Variants in STPG2 observed in about 807,000 individuals in gnomAD.
The protein encoded by STPG2 is sperm-tail PG-rich repeat-containing protein 2.
A neutral mutation model predicts 54.2 loss-of-function variants in STPG2; 56 were observed. That is an observed-to-expected ratio of 1.03 (90% confidence interval 0.83 to 1.29). The LOEUF (loss-of-function observed/expected upper bound fraction) is 1.29. Ranked by LOEUF, STPG2 falls within the 50% of genes most tolerant of loss-of-function variation. The pLI, the probability that STPG2 is intolerant of heterozygous loss-of-function variation, is 0.00. For missense variants in STPG2, 596 were observed against 544.9 expected, an observed-to-expected ratio of 1.09 and a Z score of -0.93; for synonymous variants, 200 against 181.8, an observed-to-expected ratio of 1.10 and a Z score of -0.81.
chr4:98,022,624 G>C lies in STPG2; in HGVS notation c.613-41306C>G, dbSNP rs377737071. ...ATCCTGCAGAGTGTTTTCCAACTTG[G>C]TTCCATTTTCCCCATCACTTTCAGG... is the stretch of plus-strand genomic sequence containing the variant. On this transcript the variant is annotated intron_variant, in intron 5 of 10. Coordinates refer to ENST00000295268, the MANE Select transcript of STPG2 (RefSeq NM_174952.3). 4.6e-5 allele frequency among the ~76,000 whole-genome samples: 7 copies of C among 152,094 alleles called. No homozygotes were observed. The East Asian group carries it at 1.4e-3, about 29-fold the overall frequency.
chr4:97,894,603 C>T (rs1277199028), intron 8 of STPG2, among the ~76,000 whole-genome samples: 1 of 151,924 alleles, frequency 6.6e-6, no homozygotes, highest in Non-Finnish European at 1.5e-5. Flanking sequence ...TCTACTCAAT[C>T]TTAACCATGC....
intron 10 of STPG2, among the ~76,000 whole-genome samples, chr4:97,685,715 T>G (rs1309978591): frequency 6.6e-6 from 1 of 152,198 alleles, no homozygotes; most frequent in Non-Finnish European, 1.5e-5. Context: ...ATAATAATGT[T>G]TTAATATTGT....
In STPG2 at chr4:97,711,102, C is replaced by T. The variant is rs569022183; in HGVS notation, c.1320+1597G>A. 8.6e-5 allele frequency among the ~76,000 whole-genome samples: 13 copies of T among 151,964 alleles called. 1 individual carries two copies. Among genetic ancestry groups the T allele is most frequent in the Admixed American group, 2.0e-4 (3 of 15,246 alleles). On this transcript the variant is annotated intron_variant, in intron 10 of 10. Transcript: ENST00000295268. ...GAAAGACTAGTGGGAACATCCTTTA[C>T]GAAGAATGCATCACAAAATGAAACA...
intron 5 of STPG2, among the ~76,000 whole-genome samples, chr4:98,040,630 A>G (rs1214963185): frequency 6.6e-6 from 1 of 151,796 alleles, no homozygotes; most frequent in African/African-American, 2.4e-5. Context: ...GGCTGTAGGT[A>G]TGTGGGTTTA....
intron 4 of STPG2, among the ~76,000 whole-genome samples, chr4:97,495,157 T>C (rs1560632610): frequency 6.6e-6 from 1 of 151,444 alleles, no homozygotes. Context: ...ACAGAACATA[T>C]AGTTCTTCTG....
downstream of STPG2, among the ~76,000 whole-genome samples, chr4:97,558,626 G>C (rs146685845): frequency 6.6e-6 from 1 of 152,162 alleles, no homozygotes; most frequent in African/African-American, 2.4e-5. Context: ...CTGACAGCCC[G>C]TGTGGAGGTG....
intron 10 of STPG2, among the ~76,000 whole-genome samples, chr4:97,599,426 A>T (rs1733395157): frequency 6.6e-6 from 1 of 152,308 alleles, no homozygotes; most frequent in East Asian, 1.9e-4. Flanking sequence ...AAATCATTCT[A>T]CCATAAAGAC....
chr4:97,728,718 G>A (rs1317645190), intron 9 of STPG2, among the ~76,000 whole-genome samples: 4 of 151,932 alleles, frequency 2.6e-5, no homozygotes, highest in African/African-American at 4.8e-5. Context: ...CTCAGCTGGA[G>A]TCATACAACC....
intron 4 of STPG2, among the ~76,000 whole-genome samples, chr4:97,486,468 T>C (rs933638977): frequency 6.6e-6 from 1 of 151,776 alleles, no homozygotes; most frequent in African/African-American, 2.4e-5. Flanking sequence ...CACAGTGCAA[T>C]ACCACCTACT....
At chr4:97,860,210 G>A (rs1271575214) in intron 8 of STPG2, among the ~76,000 whole-genome samples, 1 of 152,044 alleles carries the variant, frequency 6.6e-6, no homozygotes, top group Non-Finnish European at 1.5e-5. Context: ...GGCTATGCAG[G>A]CTCTTTTTTT....
chr4:98,017,960 C>A (rs1054682962), intron 5 of STPG2, among the ~76,000 whole-genome samples: 1 of 152,056 alleles, frequency 6.6e-6, no homozygotes, highest in Non-Finnish European at 1.5e-5. Flanking sequence ...TTTCCTGAGG[C>A]CTCCCTAGCC....
intron 8 of STPG2, among the ~76,000 whole-genome samples, chr4:97,889,149 C>G (rs1440464656): frequency 1.3e-5 from 2 of 152,120 alleles, no homozygotes; most frequent in African/African-American, 4.8e-5. Flanking sequence ...TAATACACAC[C>G]TATTATCAAA....
chr4:98,126,996 T>A (rs1186181859), intron 3 of STPG2, among the ~76,000 whole-genome samples: 1 of 151,952 alleles, frequency 6.6e-6, no homozygotes, highest in Non-Finnish European at 1.5e-5. Flanking sequence ...TCTAATATAC[T>A]CATACGGTTA....
intron 5 of STPG2, among the ~76,000 whole-genome samples, chr4:98,051,340 T>G (rs1332230481): frequency 1.3e-5 from 2 of 152,024 alleles, no homozygotes; most frequent in African/African-American, 4.8e-5. Flanking sequence ...AAAATGAAGG[T>G]TTTTATGGTT....
chr4:97,455,371 T>C (rs1279038746), intron 4 of STPG2, among the ~76,000 whole-genome samples: 1 of 152,018 alleles, frequency 6.6e-6, no homozygotes, highest in African/African-American at 2.4e-5. Context: ...CTCCAACCTG[T>C]GCCTATAAAA....
At chr4:97,620,388 A>G (rs1253385214) in intron 10 of STPG2, among the ~76,000 whole-genome samples, 2 of 152,212 alleles carry the variant, frequency 1.3e-5, no homozygotes, top group East Asian at 1.9e-4. Context: ...GAGAAAACAC[A>G]AGGCCTCAAT....
chr4:97,792,626 A>G (rs1361165618), intron 9 of STPG2, among the ~76,000 whole-genome samples: 1 of 151,358 alleles, frequency 6.6e-6, no homozygotes, highest in East Asian at 2.1e-4. Flanking sequence ...AAACCCTCTA[A>G]AAGCCTTCCA....
intron 10 of STPG2, among the ~76,000 whole-genome samples, chr4:97,580,721 T>C (rs901620567): frequency 3.3e-5 from 5 of 152,080 alleles, no homozygotes; most frequent in African/African-American, 1.2e-4. Context: ...CCTAGCTAAA[T>C]ATTTAAGTGC....
At chr4:97,556,886 C>T (rs1732089919), downstream of STPG2, among the ~76,000 whole-genome samples, 1 of 151,962 alleles carries the variant, frequency 6.6e-6, no homozygotes, top group Non-Finnish European at 1.5e-5. Context: ...ATTAATTTTC[C>T]TTAAAAAATA....
Sources: allele counts gnomAD v4.1 joint callset (sites outside exome capture counted in the v4.1 genomes callset), GRCh38; gene constraint gnomAD v4.1.1; transcripts MANE v1.5; gene names NCBI Gene and HGNC (gene_info 2026-07-23, HGNC 2026-07-21).